The following SMYD3 variants were observed in gnomAD, a reference collection of about 807,000 sequenced individuals.
The protein encoded by SMYD3 is histone-lysine N-methyltransferase SMYD3.
SMYD3 carries 36 observed loss-of-function variants against 57.7 expected under a neutral mutation model. That is an observed-to-expected ratio of 0.62 (90% CI 0.48 to 0.82). SMYD3 has a LOEUF of 0.82. Among genes scored for constraint, SMYD3 ranks in the 40% least tolerant of loss-of-function variants. The pLI, the probability that SMYD3 is intolerant of heterozygous loss-of-function variation, is 0.00. For missense variants in SMYD3, 515 were observed against 538.8 expected, an observed-to-expected ratio of 0.96 and a Z score of 0.44; for synonymous variants, 211 against 195.0, an observed-to-expected ratio of 1.08 and a Z score of -0.68.
At chr1:246,212,742 A>C (rs2063109946) in intron 5 of SMYD3, among the ~76,000 whole-genome samples, 1 of 152,170 alleles carries the variant, frequency 6.6e-6, no homozygotes, top group African/African-American at 2.4e-5. Flanking sequence ...TTAGACCAGC[A>C]GTTTTTCATT....
intron 2 of SMYD3, among the ~76,000 whole-genome samples, chr1:246,344,808 C>A: frequency 6.6e-6 from 1 of 152,186 alleles, no homozygotes; most frequent in Middle Eastern, 3.2e-3. Flanking sequence ...TTTTAATTTT[C>A]ATTTATCTGG....
rs911535050 is a variant in SMYD3, at chr1:246,283,949, A to C, written c.531+43252T>G. 3.9e-5 allele frequency among the ~76,000 whole-genome samples: 6 copies of C among 152,256 alleles called. No individual in the cohort carries two copies. In the East Asian group the frequency reaches 1.2e-3, roughly 29 times the overall value. On this transcript the variant is annotated intron_variant, in intron 5 of 11. Transcript: ENST00000490107. ...AGGAAGTCAAGCATTTAAATGTAGC[A>C]CATTAATATTTGACTAAAATAGCAT...
At chr1:246,052,182 A>G (rs2060076971) in intron 5 of SMYD3, among the ~76,000 whole-genome samples, 1 of 152,204 alleles carries the variant, frequency 6.6e-6, no homozygotes. Context: ...TGTCTTTTAA[A>G]GGAAGGAAAA....
intron 5 of SMYD3, among the ~76,000 whole-genome samples, chr1:245,945,917 C>T (rs377696842): frequency 6.6e-6 from 1 of 152,212 alleles, no homozygotes; most frequent in South Asian, 2.1e-4. Context: ...ACATTGAGAA[C>T]GCATGGACAC....
intron 5 of SMYD3, among the ~76,000 whole-genome samples, chr1:246,318,718 A>C (rs917484460): frequency 6.6e-6 from 1 of 152,250 alleles, no homozygotes; most frequent in Non-Finnish European, 1.5e-5. Flanking sequence ...ACTTAAATAG[A>C]TAAAGCAACA....
chr1:246,220,812 C>T (rs570715077), intron 5 of SMYD3, among the ~76,000 whole-genome samples: 1 of 152,316 alleles, frequency 6.6e-6, no homozygotes, highest in South Asian at 2.1e-4. Context: ...ACTTCCTCCC[C>T]TCTGAGGCCT....
At chr1:246,402,060 G>A (rs1396115212) in intron 1 of SMYD3, among the ~76,000 whole-genome samples, 2 of 152,076 alleles carry the variant, frequency 1.3e-5, no homozygotes, top group African/African-American at 2.4e-5. Flanking sequence ...ATAATACATT[G>A]TAGTCTGAAA....
chr1:246,238,063 G>A (rs1452759049), intron 5 of SMYD3, among the ~76,000 whole-genome samples: 1 of 151,894 alleles, frequency 6.6e-6, no homozygotes, highest in East Asian at 1.9e-4. Context: ...ATACCACTGG[G>A]GTTTCTTTCT....
intron 1 of SMYD3, 62 bp downstream of exon 1, chr1:246,506,992 C>CCCCCCA: frequency 4.7e-6 from 4 of 859,480 alleles, no homozygotes; most frequent in Non-Finnish European, 6.3e-6. Context: ...GCCCGACGCC[C>CCCCCCA]CCCCCTCCCC....
chr1:246,111,952 T>C (rs1160521110), intron 5 of SMYD3, among the ~76,000 whole-genome samples: 2 of 152,228 alleles, frequency 1.3e-5, no homozygotes, highest in African/African-American at 4.8e-5. Context: ...TTTCACATTA[T>C]ACTTAACCTT....
In SMYD3 at chr1:245,777,563, G is replaced by A. The variant is rs546550010; in HGVS notation, c.1077-13414C>T. ...CACCTGGATAACTGGGAAATTGCAT[G>A]TACACAAGGGAGACCCAAAAGAACC... On this transcript the variant is annotated intron_variant, in intron 10 of 11. Coordinates refer to ENST00000490107, the MANE Select transcript of SMYD3 (RefSeq NM_001167740.2). 3.3e-5 allele frequency among the ~76,000 whole-genome samples: 5 copies of A among 152,264 alleles called. No homozygotes were observed. In the South Asian group the frequency reaches 1.0e-3, roughly 32 times the overall value.
At chr1:245,795,129 T>C (rs1225812456) in intron 10 of SMYD3, among the ~76,000 whole-genome samples, 1 of 152,204 alleles carries the variant, frequency 6.6e-6, no homozygotes, top group African/African-American at 2.4e-5. Flanking sequence ...CGCCCTCATC[T>C]TGAACAGGAT....
At chr1:245,993,930 A>C (rs1012205922) in intron 5 of SMYD3, among the ~76,000 whole-genome samples, 1 of 152,244 alleles carries the variant, frequency 6.6e-6, no homozygotes, top group African/African-American at 2.4e-5. Context: ...CATAAAAAGA[A>C]GACATTAAAC....
At chr1:246,327,055 C>T in intron 5 of SMYD3, 146 bp downstream of exon 5, 2 of 907,312 alleles carry the variant, frequency 2.2e-6, no homozygotes, top group Non-Finnish European at 3.5e-6. Context: ...TTCTCTCATG[C>T]TCTACTCACT....
At chr1:246,402,576 C>T (rs2066790993) in intron 1 of SMYD3, among the ~76,000 whole-genome samples, 1 of 152,050 alleles carries the variant, frequency 6.6e-6, no homozygotes, top group African/African-American at 2.4e-5. Flanking sequence ...TGAATCAATG[C>T]TCCCTTCACA....
chr1:246,340,924 A>G (rs7521378), intron 2 of SMYD3, among the ~76,000 whole-genome samples: 1,614 of 152,148 alleles, frequency 0.011, 21 homozygotes, highest in African/African-American at 0.033. Flanking sequence ...GGAGGTCGAG[A>G]CTACAGTGAG....
chr1:246,109,099 G>T (rs545205016), intron 5 of SMYD3, among the ~76,000 whole-genome samples: 11 of 152,124 alleles, frequency 7.2e-5, no homozygotes, highest in African/African-American at 2.4e-4. Context: ...GGAGTTCAGG[G>T]ACCATTTCTT....
chr1:246,140,875 C>T (rs1391350325), intron 5 of SMYD3, among the ~76,000 whole-genome samples: 1 of 152,184 alleles, frequency 6.6e-6, no homozygotes, highest in Non-Finnish European at 1.5e-5. Flanking sequence ...GATCACAGAA[C>T]TGAGCCACCA....
chr1:246,034,686 C>T (rs10924457), intron 5 of SMYD3: 67,262 of 155,932 alleles, frequency 0.43, 16,329 homozygotes, highest in East Asian at 0.71. Flanking sequence ...GAGAGGTGAG[C>T]AAGGCTGGGG....
Sources: allele counts gnomAD v4.1 joint callset (sites outside exome capture counted in the v4.1 genomes callset), GRCh38; gene constraint gnomAD v4.1.1; transcripts MANE v1.5; gene names NCBI Gene and HGNC (gene_info 2026-07-23, HGNC 2026-07-21).